SH3PXD2B: variants seen among roughly 807,000 people sequenced by gnomAD.
SH3PXD2B encodes SH3 and PX domains 2B, also known as SH3 and PX domain-containing protein 2B.
In SH3PXD2B, 37 loss-of-function variants were observed where a neutral mutation model predicts 73.1. The observed-to-expected ratio is 0.51, with a 90% CI of 0.39 to 0.67. The LOEUF (loss-of-function observed/expected upper bound fraction) is 0.67, where lower values mean the gene tolerates loss of function less well. Among genes scored for constraint, SH3PXD2B ranks in the 30% least tolerant of loss-of-function variants. SH3PXD2B has a pLI of 0.00. For missense variants in SH3PXD2B, 1,053 were observed against 1,197.8 expected (o/e 0.88, Z 1.78); for synonymous variants, 457 against 480.5 (o/e 0.95, Z 0.64).
At chr5:172,446,384 C>G (rs1381891039) in intron 1 of SH3PXD2B, among the ~76,000 whole-genome samples, 2 of 152,318 alleles carry the variant, frequency 1.3e-5, no homozygotes, top group Non-Finnish European at 1.5e-5. Context: ...ACCAGACTAA[C>G]AGGCTGCTCG....
chr5:172,328,058 ACTGG>A (rs10599772), intron 12 of SH3PXD2B, among the ~76,000 whole-genome samples: 94,051 of 150,256 alleles, frequency 0.63, 29,670 homozygotes, highest in South Asian at 0.84. Flanking sequence ...CCCAGCTGTA[ACTGG>A]CTAATTTTTG....
rs543936992 is a variant in SH3PXD2B at position 172,445,733 on chromosome 5, T to C, written c.75+8545A>G. Among the ~76,000 whole-genome samples, 1 of 152,326 alleles carries C rather than the reference T, an allele frequency of 6.6e-6. No homozygotes were observed. The highest frequency in any genetic ancestry group is 2.1e-4 in the South Asian group (1 of 4,826). ...TGCTAACTCTGGCCACCCTCAGCCC[T>C]GGGAAAGCCTGAGACAGGGCTGCAG... is the stretch of plus-strand genomic sequence containing the variant. On this transcript the variant is annotated intron_variant, in intron 1 of 12. Transcript: ENST00000311601. The surrounding 1 kb of genome is among the most constrained non-coding windows in gnomAD (Gnocchi z 5.2).
intron 10 of SH3PXD2B, 107 bp from the exon 11 acceptor site, chr5:172,347,439 T>C: frequency 1.8e-6 from 2 of 1,093,932 alleles, no homozygotes; most frequent in Non-Finnish European, 2.7e-6. Flanking sequence ...CACAGGCGTC[T>C]GCATGCTGCT....
chr5:172,389,402 G>T (rs943362884), intron 4 of SH3PXD2B, among the ~76,000 whole-genome samples: 3 of 151,780 alleles, frequency 2.0e-5, no homozygotes, highest in African/African-American at 7.3e-5. Flanking sequence ...GAGTGTGGAG[G>T]TGTAAAAGGC....
Position 172,368,701 on chromosome 5 carries a change from A to G in SH3PXD2B, c.427+5089T>C, listed in dbSNP as rs1173737592. On this transcript the variant is annotated intron_variant, in intron 6 of 12. Coordinates refer to ENST00000311601, the MANE Select transcript of SH3PXD2B (RefSeq NM_001017995.3). ...AATATATATGTTATATATATAAAAT[A>G]TATATATATTATATATATATAAAAT... Among the ~76,000 whole-genome samples the G allele has an allele frequency of 1.1e-3, 40 of 36,914 alleles. 4 individuals carry two copies. The highest frequency in any genetic ancestry group is 6.3e-3 in the African/African-American group (37 of 5,908). The allele number at this position is 36,914 out of a possible 152,430, so 24.2% of individuals were successfully genotyped here.
chr5:172,431,885 C>T (rs188316338), intron 1 of SH3PXD2B, among the ~76,000 whole-genome samples: 2 of 152,192 alleles, frequency 1.3e-5, no homozygotes, highest in Non-Finnish European at 2.9e-5. Flanking sequence ...TTATTTAGGC[C>T]GGGCGCAGTG....
At chr5:172,381,734 C>G (rs2731721) in intron 5 of SH3PXD2B, among the ~76,000 whole-genome samples, 56,371 of 152,090 alleles carry the variant, frequency 0.37, 10,929 homozygotes, top group East Asian at 0.68. Flanking sequence ...GATGAATCTA[C>G]GGCTCAGCCC....
chr5:172,424,638 G>A (rs1442929498), intron 1 of SH3PXD2B, among the ~76,000 whole-genome samples: 1 of 152,184 alleles, frequency 6.6e-6, no homozygotes, highest in Admixed American at 6.5e-5. Flanking sequence ...TGAATGCCAC[G>A]CTAAGGAGTT....
intron 2 of SH3PXD2B, among the ~76,000 whole-genome samples, chr5:172,415,715 C>T (rs1386882580): frequency 6.6e-6 from 1 of 152,212 alleles, no homozygotes; most frequent in African/African-American, 2.4e-5. Context: ...TCTGGGCACT[C>T]CAGTCATCCC....
intron 6 of SH3PXD2B, among the ~76,000 whole-genome samples, chr5:172,366,857 C>G (rs1757538519): frequency 6.7e-6 from 1 of 150,334 alleles, no homozygotes; most frequent in South Asian, 2.1e-4. Flanking sequence ...TGGTCTTGAT[C>G]TCCTGACCTG....
rs1203448440 is a variant in SH3PXD2B at position 172,445,821 on chromosome 5, G to C, written c.75+8457C>G. Among the ~76,000 whole-genome samples the C allele has an allele frequency of 2.6e-5, 4 of 152,206 alleles. No individual in the cohort carries two copies. Among genetic ancestry groups the C allele is most frequent in the African/African-American group, 9.7e-5 (4 of 41,440 alleles). ...CTTTACCACCTGAAGAAGACCCTGG[G>C]CTGAGAGTCATGCCCGCCTGCAGGT... On this transcript the variant is annotated intron_variant, in intron 1 of 12. Transcript: ENST00000311601. This position sits in a 1 kb window ranked among gnomAD's most constrained non-coding sequence, Gnocchi z 5.2.
rs1483100675 is a variant in SH3PXD2B at position 172,325,357 on chromosome 5, C to T, written c.1212G>A (p.Glu404=). The change falls in exon 13 of 13, where the codon GAG becomes GAA. Residue 404 remains glutamate (E), a synonymous_variant. Coordinates refer to the SH3PXD2B transcript ENST00000519643. ...TTCTAAGAGGGACTTCCACAGGGCT[C>T]TCCAAGTGAACATTCTTATGATCCT... 3.9e-6 allele frequency: 6 copies of T among 1,535,486 alleles called. No individual in the cohort carries two copies. The South Asian group carries it at 6.0e-5, about 15-fold the overall frequency.
chr5:172,349,265 C>T (rs1243520812), intron 10 of SH3PXD2B, among the ~76,000 whole-genome samples: 1 of 152,210 alleles, frequency 6.6e-6, no homozygotes, highest in African/African-American at 2.4e-5. Flanking sequence ...GGAGAAGCCC[C>T]GCCAGGGGCA....
intron 1 of SH3PXD2B, 22 bp downstream of exon 1, chr5:172,454,256 G>A: frequency 1.3e-6 from 2 of 1,588,672 alleles, no homozygotes; most frequent in Non-Finnish European, 1.7e-6. Context: ...TCAAGGGGGC[G>A]TGGGGGCCGC....
chr5:172,448,238 A>G (rs1455223343), intron 1 of SH3PXD2B, among the ~76,000 whole-genome samples: 2 of 152,232 alleles, frequency 1.3e-5, no homozygotes, highest in Admixed American at 6.5e-5. Context: ...TGAAAAGACC[A>G]CGAAAACTGC....
rs890894327 is a variant in SH3PXD2B, at chr5:172,336,013, G to A, written c.*2356C>T. ...GGCAGGGCAAGTCTGCTCCTACCCA[G>A]CTGACCCCCGGGAGGAAGGAATGAA... On this transcript the variant is annotated 3_prime_UTR_variant, in exon 13 of 13. Transcript: ENST00000311601. 2.9e-5 allele frequency: 29 copies of A among 1,007,218 alleles called. No individual in the cohort carries two copies. The highest frequency in any genetic ancestry group is 1.2e-4 in the Admixed American group (2 of 16,862). 62.4% of individuals were successfully genotyped at this position (1,007,218 alleles called of 1,614,324 possible).
chr5:172,343,051 C>G (rs1273660415), intron 12 of SH3PXD2B, among the ~76,000 whole-genome samples: 1 of 152,178 alleles, frequency 6.6e-6, no homozygotes, highest in East Asian at 1.9e-4. Flanking sequence ...TTTTTGCAGC[C>G]GCAAGAGCTA....
At chr5:172,348,630 CTATCTATG>C (rs1253581928) in intron 10 of SH3PXD2B, among the ~76,000 whole-genome samples, 1,076 of 79,904 alleles carry the variant, frequency 0.013, 10 homozygotes, top group African/African-American at 0.038. Context: ...ATCTATGTAT[CTATCTATG>C]TATCTATCTA....
chr5:172,412,231 C>T lies in SH3PXD2B; in HGVS notation c.157-5879G>A, dbSNP rs555557795. ...CCCCTCAGGACTGCCCGGGTGGCCCCGTGGCTGTAGCAGGGCTGTCTGCTG... is the reference window on the plus strand; with the variant it reads ...CCCCTCAGGACTGCCCGGGTGGCCCTGTGGCTGTAGCAGGGCTGTCTGCTG... On this transcript the variant is annotated intron_variant, in intron 2 of 12. Coordinates refer to ENST00000311601, the MANE Select transcript of SH3PXD2B (RefSeq NM_001017995.3). Among the ~76,000 whole-genome samples, 33 of 152,302 alleles carry T rather than the reference C, an allele frequency of 2.2e-4. No homozygotes were observed. In the South Asian group the frequency reaches 5.2e-3, roughly 24 times the overall value.
Sources: gnomAD v4.1 joint callset for allele counts (sites outside exome capture counted in the v4.1 genomes callset) on GRCh38, gnomAD v4.1.1 for gene constraint, Gnocchi (gnomAD v3.1) non-coding constraint, MANE v1.5 for transcripts, NCBI Gene and HGNC (gene_info 2026-07-23, HGNC 2026-07-21) for gene names.